Variants in TMEM225 observed in about 807,000 individuals in gnomAD.
TMEM225 encodes the protein PMP22 claudin domain-containing protein.
TMEM225 carries 10 observed loss-of-function variants against 17.6 expected under a neutral mutation model. That is an observed-to-expected ratio of 0.57 (90% CI 0.35 to 0.96). TMEM225 has a LOEUF of 0.96. Among genes scored for constraint, TMEM225 ranks in the 40% least tolerant of loss-of-function variants. The pLI is 0.02. For synonymous variants in TMEM225, 101 were observed against 94.5 expected (o/e 1.07, Z -0.40); for missense variants, 245 against 271.5 (o/e 0.90, Z 0.69).
At chr11:123,884,244 AAAAG>A (rs1483281448) in intron 2 of TMEM225, 35 bp from the exon 3 acceptor site, 5 of 1,552,198 alleles carry the variant, frequency 3.2e-6, no homozygotes, top group South Asian at 1.2e-5. Flanking sequence ...AAAAAAAAGA[AAAAG>A]AAAAAAGTCC....
At position 123,885,349 on chromosome 11, in the gene TMEM225, A is replaced by G. The variant is rs1394911625; in HGVS notation, c.77T>C (p.Met26Thr). 5.0e-6 allele frequency: 8 copies of G among 1,613,520 alleles called. No homozygotes were observed. Among genetic ancestry groups the G allele is most frequent in the Non-Finnish European group, 6.8e-6 (8 of 1,179,720 alleles). ...FSSWAVVLMV[M>T]GITLDKWVEL... ...AACCCATTTATCTAAGGTGATTCCC[A>G]TCACCATTAAGACTACGGCCCAGGA... Residue 26 changes from methionine to threonine, a missense_variant, in exon 1 of 4, where the codon ATG becomes ACG. Coordinates refer to ENST00000375026, the MANE Select transcript of TMEM225 (RefSeq NM_001013743.3).
intron 2 of TMEM225, 52 bp downstream of exon 2, chr11:123,884,438 C>T: frequency 6.5e-7 from 1 of 1,530,716 alleles, no homozygotes; most frequent in Non-Finnish European, 8.8e-7. Flanking sequence ...CAGCCTGAAC[C>T]CACCCATCAA....
Position 123,883,307 on chromosome 11 carries a change from G to A in TMEM225, c.509C>T (p.Thr170Ile), listed in dbSNP as rs1862988947. 6.2e-7 allele frequency: 1 copy of A among 1,613,140 alleles called. No homozygotes were observed. The highest frequency in any genetic ancestry group is 8.5e-7 in the Non-Finnish European group (1 of 1,179,514). The change falls in exon 4 of 4, where the codon ACC becomes ATC. Residue 170 changes from threonine to isoleucine, a missense_variant. Transcript: ENST00000375026. ...GTCAGATTTATGGATGTTCAGGCAG[G>A]TACAGCTACTGGTAGACAACTTGCA... ...LECKLSTSSC[T>I]CLNIHKSDNE...
At position 123,883,130 on chromosome 11, in the gene TMEM225, T is replaced by C. The variant is rs1392330642; in HGVS notation, c.*8A>G. On this transcript the variant is annotated 3_prime_UTR_variant, in exon 4 of 4. Transcript: ENST00000375026. Reference sequence around the variant, plus strand: ...ATGAGCATATACTGCAAGAAATAGATTGCCAAATCACAGAGCCCAGGTTAC... The same window carrying C: ...ATGAGCATATACTGCAAGAAATAGACTGCCAAATCACAGAGCCCAGGTTAC... The C allele has an allele frequency of 6.2e-7, 1 of 1,611,946 alleles. No individual in the cohort carries two copies. The highest frequency in any genetic ancestry group is 1.7e-5 in the Admixed American group (1 of 59,940).
rs965410369 is a variant in TMEM225, at chr11:123,885,534, G to T, written c.-109C>A. On this transcript the variant is annotated 5_prime_UTR_variant, in exon 1 of 4. Coordinates refer to ENST00000375026, the MANE Select transcript of TMEM225 (RefSeq NM_001013743.3). ...ATCTGAACTTTCAGTGGTTGCTGAGGCATTGGTAACAGCAGAAGCTGAAGT... is the reference window on the plus strand; with the variant it reads ...ATCTGAACTTTCAGTGGTTGCTGAGTCATTGGTAACAGCAGAAGCTGAAGT... 25 of 1,027,784 alleles carry T rather than the reference G, an allele frequency of 2.4e-5. No individual in the cohort carries two copies. Among genetic ancestry groups the T allele is most frequent in the Non-Finnish European group, 1.0e-5 (7 of 698,892 alleles). 63.7% of individuals were successfully genotyped at this position (1,027,784 alleles called of 1,614,324 possible).
Position 123,885,263 on chromosome 11 carries a change from G to T in TMEM225, c.163C>A (p.Pro55Thr). Reference sequence around the variant, plus strand: ...TTCTGACCTTCTGGCCAAAGAGCAGGGCAACACATCATCCAAGGACTGTGG... The same window carrying T: ...TTCTGACCTTCTGGCCAAAGAGCAGTGCAACACATCATCCAAGGACTGTGG... ...MNHSPWMMCC[P>T]ALWPEDDLKV... Residue 55 changes from proline to threonine, a missense_variant, in exon 1 of 4, where the codon CCT becomes ACT. By Grantham distance (38) the Pro-to-Thr change is conservative. Coordinates refer to ENST00000375026, the MANE Select transcript of TMEM225 (RefSeq NM_001013743.3). 6.2e-7 allele frequency: 1 copy of T among 1,613,374 alleles called. No individual in the cohort carries two copies. Among genetic ancestry groups the T allele is most frequent in the Non-Finnish European group, 8.5e-7 (1 of 1,179,572 alleles).
At chr11:123,884,327 C>G in intron 2 of TMEM225, 118 bp from the exon 3 acceptor site, 1 of 1,373,442 alleles carries the variant, frequency 7.3e-7, no homozygotes, top group South Asian at 1.5e-5. Flanking sequence ...CAACCCCCAC[C>G]CGGTCCAACT....
At position 123,885,254 on chromosome 11, in the gene TMEM225, A is replaced by G; in HGVS notation, c.172T>C (p.Trp58Arg). 2.5e-6 allele frequency: 4 copies of G among 1,613,216 alleles called. No individual in the cohort carries two copies. Among genetic ancestry groups the G allele is most frequent in the Non-Finnish European group, 3.4e-6 (4 of 1,179,450 alleles). ...SPWMMCCPAL[W>R]PEDDLKVVRI... ...AGAGTACAGTTCTGACCTTCTGGCC[A>G]AAGAGCAGGGCAACACATCATCCAA... Residue 58 changes from tryptophan to arginine, a missense_variant, in exon 1 of 4, where the codon TGG becomes CGG. Trp to Arg is a moderately radical substitution (Grantham distance 101, BLOSUM62 -3). Transcript: ENST00000375026.
Position 123,885,199 on chromosome 11 carries a change from C to T in TMEM225, c.181+46G>A, listed in dbSNP as rs747207379. ...AAGTTAAGGAAAGCCAAGTTAAGGA[C>T]ACACCCTTCCTTTCCACCCGTCTCT... On this transcript the variant is annotated intron_variant, in intron 1 of 3. Coordinates refer to ENST00000375026, the MANE Select transcript of TMEM225 (RefSeq NM_001013743.3). 13 of 1,567,482 alleles carry T rather than the reference C, an allele frequency of 8.3e-6. No individual in the cohort carries two copies. The East Asian group carries it at 2.0e-4, about 24-fold the overall frequency.
In TMEM225 at chr11:123,884,222, CAAAA is replaced by C. The variant is rs61366176; in HGVS notation, c.329-17_329-14del. On this transcript the variant is annotated splice_polypyrimidine_tract_variant and intron_variant, in intron 2 of 3. Transcript: ENST00000375026. ...AGCAGAGAGATACCTGATGTCCAGACAAAAAAAAAAAAAAAAAAAGAAAAAGAAA... is the reference window on the plus strand; with the variant it reads ...AGCAGAGAGATACCTGATGTCCAGACAAAAAAAAAAAAAAAGAAAAAGAAA... 4,017 of 1,217,828 alleles carry C rather than the reference CAAAA, an allele frequency of 3.3e-3. No homozygotes were observed. The highest frequency in any genetic ancestry group is 7.3e-3 in the Middle Eastern group (24 of 3,296). 75.4% of individuals were successfully genotyped at this position (1,217,828 alleles called of 1,614,324 possible). A position where few individuals can be genotyped will look rare whatever the true frequency, so the allele number is the denominator to read the frequency against.
chr11:123,884,409 A>ATG (rs2137477781), intron 2 of TMEM225, 81 bp downstream of exon 2: 1 of 1,347,910 alleles, frequency 7.4e-7, no homozygotes, highest in African/African-American at 1.5e-5. Context: ...ATATATATAT[A>ATG]TATAGTTTTC....
intron 2 of TMEM225, 108 bp from the exon 3 acceptor site, chr11:123,884,317 C>T (rs1863008907): frequency 2.1e-6 from 3 of 1,403,110 alleles, no homozygotes; most frequent in Non-Finnish European, 2.8e-6. Context: ...CTTGACTTCC[C>T]AACCCCCACC....
chr11:123,884,838 C>T (rs1336942744), intron 1 of TMEM225, among the ~76,000 whole-genome samples: 4 of 152,134 alleles, frequency 2.6e-5, no homozygotes, highest in African/African-American at 9.7e-5. Flanking sequence ...CCTGATGTCT[C>T]TCTATGTGTC....
intron 1 of TMEM225, 68 bp from the exon 2 acceptor site, chr11:123,884,704 C>T: frequency 6.8e-7 from 1 of 1,469,936 alleles, no homozygotes. Flanking sequence ...ACCTGGGGTC[C>T]AGAAGTCTCT....
rs10893099 is a variant in TMEM225 at position 123,884,137 on chromosome 11, C to T, written c.401G>A (p.Ser134Asn). The T allele has an allele frequency of 1.0e-3, 1,631 of 1,605,794 alleles. No individual in the cohort carries two copies. The highest frequency in any genetic ancestry group is 1.3e-3 in the Non-Finnish European group (1,516 of 1,178,014). The change falls in exon 3 of 4, where the codon AGT (serine) becomes AAT (asparagine). Residue 134 changes from serine (S) to asparagine (N), a missense_variant. Ser to Asn is a conservative substitution (Grantham distance 46). Coordinates refer to ENST00000375026, the MANE Select transcript of TMEM225 (RefSeq NM_001013743.3). ...ATACATGATCCAGGTGATCCTATAA[C>T]TAGAGAAGTGCATGGATTGACCTTG... The part of the protein sequence containing the change: ...LKQGQSMHFS[S>N]YRITWIMYTA...
Position 123,883,116 on chromosome 11 carries a change from C to T in TMEM225, c.*22G>A. On this transcript the variant is annotated 3_prime_UTR_variant, in exon 4 of 4. Transcript: ENST00000375026. ...CTTTTTCCATAAAGATGAGCATATA[C>T]TGCAAGAAATAGATTGCCAAATCAC... The T allele has an allele frequency of 1.9e-6, 3 of 1,602,862 alleles. No individual in the cohort carries two copies. The highest frequency in any genetic ancestry group is 2.6e-6 in the Non-Finnish European group (3 of 1,170,336).
At chr11:123,884,700 G>A in intron 1 of TMEM225, 64 bp from the exon 2 acceptor site, 1 of 1,482,590 alleles carries the variant, frequency 6.7e-7, no homozygotes, top group Non-Finnish European at 9.1e-7. Context: ...TTCTACCTGG[G>A]GTCCAGAAGT....
In TMEM225 at chr11:123,884,568, G is replaced by A; in HGVS notation, c.250C>T (p.Leu84=). The change falls in exon 2 of 4, where the codon CTG becomes TTG. Residue 84 remains leucine, a synonymous_variant. Coordinates refer to ENST00000375026, the MANE Select transcript of TMEM225 (RefSeq NM_001013743.3). The stretch of plus-strand genomic sequence containing the variant: ...ATCAGATAGGTGAATTTCATACCCA[G>A]GATTAAGTTAAGGAGGAAGGAAAGG... ...LGLSFLLNLI[L]GMKFTYLIPQ... 1 of 1,613,256 alleles carries A rather than the reference G, an allele frequency of 6.2e-7. No individual in the cohort carries two copies. Among genetic ancestry groups the A allele is most frequent in the East Asian group, 2.2e-5 (1 of 44,800 alleles).
intron 2 of TMEM225, 48 bp downstream of exon 2, chr11:123,884,442 C>G (rs1359877807): frequency 7.1e-6 from 11 of 1,541,992 alleles, no homozygotes; most frequent in Non-Finnish European, 9.6e-6. Flanking sequence ...CTGAACCCAC[C>G]CATCAAAGTA....
Sources: allele counts gnomAD v4.1 joint callset (sites outside exome capture counted in the v4.1 genomes callset), GRCh38; gene constraint gnomAD v4.1.1; transcripts MANE v1.5; gene names NCBI Gene and HGNC (gene_info 2026-07-23, HGNC 2026-07-21).